GDAP1: variants seen among roughly 807,000 people sequenced by gnomAD.
The protein encoded by GDAP1 is ganglioside-induced differentiation-associated protein 1.
A neutral mutation model predicts 40.1 loss-of-function variants in GDAP1; 34 were observed. The ratio of observed to expected loss-of-function variants is 0.85; its 90% confidence interval spans 0.64 to 1.13. The LOEUF is 1.13. Ranked by LOEUF, GDAP1 falls within the 50% of genes most tolerant of loss-of-function variation. The pLI, the probability that GDAP1 is intolerant of heterozygous loss-of-function variation, is 0.00. For missense variants in GDAP1, 374 were observed against 433.7 expected (o/e 0.86, Z 1.22); for synonymous variants, 170 against 157.4 (o/e 1.08, Z -0.60).
intron 2 of GDAP1, among the ~76,000 whole-genome samples, chr8:74,471,907 G>A (rs1040767696): frequency 3.9e-5 from 6 of 152,112 alleles, no homozygotes; most frequent in Admixed American, 2.6e-4. Flanking sequence ...GGTTATAGAG[G>A]TTGTCCATTC....
intron 2 of GDAP1, among the ~76,000 whole-genome samples, chr8:74,483,827 T>C (rs1806743246): frequency 6.6e-6 from 1 of 152,222 alleles, no homozygotes; most frequent in African/African-American, 2.4e-5. Context: ...ACCAGGATTT[T>C]CTTGAAATGC....
chr8:74,456,220 A>C (rs770079096), intron 2 of GDAP1, among the ~76,000 whole-genome samples: 1 of 151,886 alleles, frequency 6.6e-6, no homozygotes, highest in Non-Finnish European at 1.5e-5. Flanking sequence ...TAGTTCTGTC[A>C]CTGGGGGAGA....
At chr8:74,399,538 TCTCTA>T (rs1281663353) in intron 2 of GDAP1, among the ~76,000 whole-genome samples, 1 of 146,546 alleles carries the variant, frequency 6.8e-6, no homozygotes, top group Non-Finnish European at 1.5e-5. Flanking sequence ...GTTTTTTGTG[TCTCTA>T]TTTCCTTCAG....
rs1809561141 is a variant in GDAP1, at chr8:74,365,144, A to G, written c.*777A>G. On this transcript the variant is annotated 3_prime_UTR_variant, in exon 6 of 6. Coordinates refer to ENST00000220822, the MANE Select transcript of GDAP1 (RefSeq NM_018972.4). ...TAAGTGGCATTTAGGTGAATGTCCC[A>G]GCTAATCACTAGCATGTCTAGGTAT... The G allele has an allele frequency of 2.2e-6, 1 of 454,006 alleles. No homozygotes were observed. The highest frequency in any genetic ancestry group is 2.0e-5 in the African/African-American group (1 of 50,012). The allele number at this position is 454,006 out of a possible 1,614,324, so 28.1% of individuals were successfully genotyped here.
At chr8:74,426,995 A>T (rs1049472849) in intron 2 of GDAP1, among the ~76,000 whole-genome samples, 5 of 152,158 alleles carry the variant, frequency 3.3e-5, no homozygotes, top group Non-Finnish European at 7.3e-5. Context: ...CCTTCTTTGC[A>T]TCCGTACCTG....
chr8:74,392,309 T>A (rs1306150640), intron 2 of GDAP1, among the ~76,000 whole-genome samples: 1 of 152,226 alleles, frequency 6.6e-6, no homozygotes, highest in Non-Finnish European at 1.5e-5. Flanking sequence ...AAATATTCCA[T>A]ATCATCAAAC....
intron 2 of GDAP1, among the ~76,000 whole-genome samples, chr8:74,393,350 T>C (rs1274126563): frequency 6.6e-6 from 1 of 152,228 alleles, no homozygotes; most frequent in East Asian, 1.9e-4. Context: ...CTCACTGTTT[T>C]CCTCTTCTTT....
intron 2 of GDAP1, among the ~76,000 whole-genome samples, chr8:74,390,632 G>A (rs1810093787): frequency 6.6e-6 from 1 of 152,196 alleles, no homozygotes; most frequent in South Asian, 2.1e-4. Flanking sequence ...CTTGCTGGGA[G>A]GTGTCTGCCA....
chr8:74,361,346 G>A (rs1809352172), intron 3 of GDAP1, among the ~76,000 whole-genome samples: 1 of 152,080 alleles, frequency 6.6e-6, no homozygotes, highest in Admixed American at 6.5e-5. Context: ...TGCTCTAAGT[G>A]CTTCCCATGA....
chr8:74,418,705 G>A (rs1280112807), intron 2 of GDAP1, among the ~76,000 whole-genome samples: 1 of 152,124 alleles, frequency 6.6e-6, no homozygotes. Context: ...TTTGCTCTCT[G>A]TTAAGAGCTC....
intron 2 of GDAP1, among the ~76,000 whole-genome samples, chr8:74,441,713 A>G (rs1459475564): frequency 6.6e-6 from 1 of 152,168 alleles, no homozygotes; most frequent in Non-Finnish European, 1.5e-5. Context: ...TTTAGTATTT[A>G]TAACTTAAAA....
chr8:74,396,092 T>A (rs1810194492), intron 2 of GDAP1, among the ~76,000 whole-genome samples: 1 of 151,976 alleles, frequency 6.6e-6, no homozygotes, highest in Non-Finnish European at 1.5e-5. Flanking sequence ...ATCAAAAGAG[T>A]TTGAGAACCA....
intron 2 of GDAP1, among the ~76,000 whole-genome samples, chr8:74,420,291 G>A (rs1245277584): frequency 1.3e-5 from 2 of 152,104 alleles, no homozygotes; most frequent in Non-Finnish European, 2.9e-5. Flanking sequence ...CCCTGGTTGA[G>A]TATCAACATA....
chr8:74,398,805 A>G (rs1241902540), intron 2 of GDAP1, among the ~76,000 whole-genome samples: 1 of 151,970 alleles, frequency 6.6e-6, no homozygotes, highest in Non-Finnish European at 1.5e-5. Flanking sequence ...TATTGAGATA[A>G]TCATGTGGTT....
At chr8:74,400,749 T>G (rs1356950049) in intron 2 of GDAP1, among the ~76,000 whole-genome samples, 4 of 149,450 alleles carry the variant, frequency 2.7e-5, no homozygotes, top group Non-Finnish European at 4.4e-5. Flanking sequence ...GCAGGCCTGG[T>G]GGTGACAAAA....
At chr8:74,483,257 T>C (rs1228460652) in intron 2 of GDAP1, among the ~76,000 whole-genome samples, 3 of 152,158 alleles carry the variant, frequency 2.0e-5, no homozygotes, top group Non-Finnish European at 4.4e-5. Flanking sequence ...AGAGTTTATA[T>C]TCTTACAGAG....
Position 74,358,002 on chromosome 8 carries a change from T to C in GDAP1, c.311-2135T>C, listed in dbSNP as rs138642255. The stretch of plus-strand genomic sequence containing the variant: ...ATACTGTTGTGCTTCAGTGTGAGGA[T>C]GGCAGCGCAGTGCCCCTGTGATACT... On this transcript the variant is annotated intron_variant, in intron 2 of 5. Coordinates refer to ENST00000220822, the MANE Select transcript of GDAP1 (RefSeq NM_018972.4). Among the ~76,000 whole-genome samples the C allele has an allele frequency of 1.5e-3, 230 of 152,320 alleles. 2 individuals are homozygous for C. The highest frequency in any genetic ancestry group is 5.4e-3 in the African/African-American group (223 of 41,574).
intron 2 of GDAP1, among the ~76,000 whole-genome samples, chr8:74,386,626 C>G (rs1403478025): frequency 6.6e-6 from 1 of 152,106 alleles, no homozygotes; most frequent in Non-Finnish European, 1.5e-5. Flanking sequence ...CGTGATGCCT[C>G]TAGGTTTGTT....
At chr8:74,359,448 C>T (rs1477063017) in intron 2 of GDAP1, among the ~76,000 whole-genome samples, 1 of 152,124 alleles carries the variant, frequency 6.6e-6, no homozygotes, top group Non-Finnish European at 1.5e-5. Context: ...TATGTAGAAC[C>T]CACTTTCCAG....
Sources: gnomAD v4.1 joint callset for allele counts (sites outside exome capture counted in the v4.1 genomes callset) on GRCh38, gnomAD v4.1.1 for gene constraint, MANE v1.5 for transcripts, NCBI Gene and HGNC (gene_info 2026-07-23, HGNC 2026-07-21) for gene names.